KHDRBS2: variants seen among roughly 807,000 people sequenced by gnomAD.
KHDRBS2 encodes KH domain-containing, RNA-binding, signal transduction-associated protein 2.
A neutral mutation model predicts 44.3 loss-of-function variants in KHDRBS2; 26 were observed. That is an observed-to-expected ratio of 0.59 (90% CI 0.43 to 0.81). The LOEUF (loss-of-function observed/expected upper bound fraction) is 0.81, where lower values mean the gene tolerates loss of function less well. Among genes scored for constraint, KHDRBS2 ranks in the 40% least tolerant of loss-of-function variants. KHDRBS2 has a pLI of 0.00. For synonymous variants in KHDRBS2, 194 were observed against 151.1 expected (o/e 1.28, Z -2.08); for missense variants, 476 against 433.1 (o/e 1.10, Z -0.88).
chr6:62,062,086 A>C (rs1792083847), intron 2 of KHDRBS2, among the ~76,000 whole-genome samples: 1 of 150,536 alleles, frequency 6.6e-6, no homozygotes, highest in African/African-American at 2.4e-5. Context: ...AACTATCCTA[A>C]ATATATATGC....
the KHDRBS2 span, among the ~76,000 whole-genome samples, chr6:61,598,476 T>A: frequency 6.6e-6 from 1 of 152,172 alleles, no homozygotes; most frequent in Non-Finnish European, 1.5e-5. Flanking sequence ...CAGATGACTG[T>A]CTACTCACAC....
At chr6:62,087,099 G>A (rs1798536770) in intron 2 of KHDRBS2, among the ~76,000 whole-genome samples, 1 of 152,008 alleles carries the variant, frequency 6.6e-6, no homozygotes. Context: ...CTTTCTAGAA[G>A]ATTCAGAAAA....
chr6:61,961,162 A>G (rs1268859907), intron 4 of KHDRBS2, among the ~76,000 whole-genome samples: 1 of 152,116 alleles, frequency 6.6e-6, no homozygotes, highest in Non-Finnish European at 1.5e-5. Flanking sequence ...GCTTTACAAT[A>G]AACTTTCATT....
intron 1 of KHDRBS2, among the ~76,000 whole-genome samples, chr6:62,271,875 T>C (rs1840148647): frequency 6.6e-6 from 1 of 152,180 alleles, no homozygotes; most frequent in Non-Finnish European, 1.5e-5. Context: ...AGTTAGCCAT[T>C]AATTTATTAT....
In KHDRBS2 at chr6:61,717,464, C is replaced by T. The variant is rs139900752; in HGVS notation, c.893+15218G>A. 3.0e-3 allele frequency among the ~76,000 whole-genome samples: 460 copies of T among 152,132 alleles called. 1 individual carries two copies. The highest frequency in any genetic ancestry group is 4.5e-3 in the Non-Finnish European group (306 of 67,974). On this transcript the variant is annotated intron_variant, in intron 7 of 8. Coordinates refer to ENST00000281156, the MANE Select transcript of KHDRBS2 (RefSeq NM_152688.4). ...TGCAGAGGTCTGTAGATGGCAGGAA[C>T]ATACAATTAAATTGTAGAATAACTG...
chr6:62,140,715 A>G (rs1812629309), intron 2 of KHDRBS2, among the ~76,000 whole-genome samples: 1 of 152,230 alleles, frequency 6.6e-6, no homozygotes, highest in Admixed American at 6.5e-5. Context: ...CATGCGTGCC[A>G]TGGATTAAGA....
the KHDRBS2 span, among the ~76,000 whole-genome samples, chr6:61,627,113 C>T: frequency 1.4e-4 from 21 of 151,120 alleles, no homozygotes; most frequent in East Asian, 3.9e-3. Flanking sequence ...ATTAGCCGGG[C>T]GTGGTAGCGG....
chr6:61,739,476 A>G (rs1405167885), intron 6 of KHDRBS2, among the ~76,000 whole-genome samples: 1 of 151,892 alleles, frequency 6.6e-6, no homozygotes, highest in African/African-American at 2.4e-5. Flanking sequence ...TACAATGTAA[A>G]GGTTATAGGA....
the KHDRBS2 span, among the ~76,000 whole-genome samples, chr6:61,668,210 G>T: frequency 6.6e-6 from 1 of 150,942 alleles, no homozygotes; most frequent in Non-Finnish European, 1.5e-5. Context: ...ATAAAATAGT[G>T]TGGTAAAATG....
chr6:61,996,801 C>CG (rs1777264879), intron 3 of KHDRBS2, among the ~76,000 whole-genome samples: 1 of 149,978 alleles, frequency 6.7e-6, no homozygotes, highest in African/African-American at 2.5e-5. Flanking sequence ...CTCACCCCCC[C>CG]GAGATAGAGT....
the KHDRBS2 span, among the ~76,000 whole-genome samples, chr6:61,544,671 C>A: frequency 6.6e-6 from 1 of 152,048 alleles, no homozygotes; most frequent in Admixed American, 6.6e-5. Flanking sequence ...GTAAGGAGTT[C>A]TTTACAAAAA....
chr6:61,916,965 A>ATTTTTTTTTTTTTT (rs10700035), intron 4 of KHDRBS2, among the ~76,000 whole-genome samples: 28 of 90,630 alleles, frequency 3.1e-4, no homozygotes, highest in Non-Finnish European at 4.6e-4. Context: ...GGAACTCTGT[A>ATTTTTTTTTTTTTT]TTTTTTTTTT....
intron 2 of KHDRBS2, among the ~76,000 whole-genome samples, chr6:62,159,875 T>C (rs565818731): frequency 5.3e-5 from 8 of 152,280 alleles, no homozygotes; most frequent in African/African-American, 1.9e-4. Context: ...ATTGTCTTCA[T>C]ATCAAGTAGG....
chr6:62,285,470 T>A (rs1452128701), intron 1 of KHDRBS2, among the ~76,000 whole-genome samples: 1 of 152,134 alleles, frequency 6.6e-6, no homozygotes, highest in Admixed American at 6.5e-5. Flanking sequence ...AAAATACCGA[T>A]CTGTAGCTAC....
intron 4 of KHDRBS2, among the ~76,000 whole-genome samples, chr6:61,931,128 AT>A (rs1243030507): frequency 2.0e-5 from 3 of 152,062 alleles, no homozygotes; most frequent in Non-Finnish European, 2.9e-5. Flanking sequence ...AAATACTTAT[AT>A]TTTGTTAAAA....
At chr6:62,246,105 TATATATATA>T in intron 1 of KHDRBS2, among the ~76,000 whole-genome samples, 1 of 27,370 alleles carries the variant, frequency 3.7e-5, no homozygotes, top group African/African-American at 1.4e-4. Flanking sequence ...ATCAATTTTA[TATATATATA>T]TATATATATA....
chr6:61,772,784 T>C (rs1370868179), intron 6 of KHDRBS2, among the ~76,000 whole-genome samples: 1 of 152,120 alleles, frequency 6.6e-6, no homozygotes, highest in Non-Finnish European at 1.5e-5. Flanking sequence ...AAGCTATCCC[T>C]ACCCCCTACC....
intron 2 of KHDRBS2, among the ~76,000 whole-genome samples, chr6:62,147,270 A>G (rs916435980): frequency 2.0e-5 from 3 of 151,940 alleles, no homozygotes; most frequent in African/African-American, 7.2e-5. Flanking sequence ...GAAGTCAGCA[A>G]AAGTCTTTTT....
chr6:61,861,519 G>A (rs902568415), intron 6 of KHDRBS2, among the ~76,000 whole-genome samples: 3 of 152,086 alleles, frequency 2.0e-5, no homozygotes, highest in African/African-American at 7.2e-5. Flanking sequence ...AGATATAATG[G>A]TTGTAGATGT....
Sources: gnomAD v4.1 joint callset for allele counts (sites outside exome capture counted in the v4.1 genomes callset) on GRCh38, gnomAD v4.1.1 for gene constraint, MANE v1.5 for transcripts, NCBI Gene and HGNC (gene_info 2026-07-23, HGNC 2026-07-21) for gene names.